NAV1: variants seen among roughly 807,000 people sequenced by gnomAD.
NAV1 encodes pore membrane and/or filament interacting like protein 3.
Under a neutral mutation model 175.2 loss-of-function variants are expected in NAV1, and 18 were observed. The observed-to-expected ratio is 0.10, with a 90% CI of 0.07 to 0.15. The LOEUF is 0.15. Among genes scored for constraint, NAV1 ranks in the 10% least tolerant of loss-of-function variants. The pLI, the probability that NAV1 is intolerant of heterozygous loss-of-function variation, is 1.00. For missense variants in NAV1, 1,731 were observed against 2,436.6 expected (o/e 0.71, Z 6.10); for synonymous variants, 897 against 978.7 (o/e 0.92, Z 1.56).
chr1:201,706,279 G>GTT (rs1316248333), intron 1 of NAV1, among the ~76,000 whole-genome samples: 1 of 151,664 alleles, frequency 6.6e-6, no homozygotes, highest in Admixed American at 6.6e-5. Flanking sequence ...GTGTGTGTGT[G>GTT]TCTGTGTGTT....
At position 201,566,619 on chromosome 1, in the gene NAV1, G is replaced by A. The variant is rs562912201; in HGVS notation, c.-143-21920G>A. On this transcript the variant is annotated intron_variant, in intron 1 of 33. Transcript: ENST00000685211. The stretch of plus-strand genomic sequence containing the variant: ...AGAACTCTTCTTCCCTTGGGATGAC[G>A]CTGTTGGATCACAGAGGGCACAGGT... Among the ~76,000 whole-genome samples the A allele has an allele frequency of 2.6e-5, 4 of 152,236 alleles. No individual in the cohort carries two copies. The South Asian group carries it at 8.3e-4, about 32-fold the overall frequency.
intron 2 of NAV1, among the ~76,000 whole-genome samples, chr1:201,717,915 A>T (rs1278183076): frequency 2.0e-5 from 3 of 152,164 alleles, no homozygotes. Flanking sequence ...AGCTCAAGTG[A>T]CCAGTCTCTC....
At chr1:201,580,385 GCCAGC>G (rs1361225094) in intron 1 of NAV1, among the ~76,000 whole-genome samples, 2 of 152,146 alleles carry the variant, frequency 1.3e-5, no homozygotes. Context: ...CCTGTTCTGT[GCCAGC>G]CCATAAAGAC....
At chr1:201,754,707 C>T (rs189235102) in intron 3 of NAV1, among the ~76,000 whole-genome samples, 20 of 152,282 alleles carry the variant, frequency 1.3e-4, no homozygotes, top group Admixed American at 1.2e-3. Flanking sequence ...CTATCTCCTG[C>T]TCTATCTGCT....
chr1:201,625,132 C>T (rs1196274809), intron 1 of NAV1, among the ~76,000 whole-genome samples: 1 of 152,138 alleles, frequency 6.6e-6, no homozygotes, highest in African/African-American at 2.4e-5. Context: ...TACAAAAACA[C>T]ATGTAGAGCA....
chr1:201,731,127 G>T (rs548436673), intron 3 of NAV1, among the ~76,000 whole-genome samples: 11 of 152,206 alleles, frequency 7.2e-5, no homozygotes, highest in Admixed American at 6.5e-4. Context: ...GAATATGCAG[G>T]GCAGGATCAC....
At chr1:201,683,584 A>G (rs1394929856) in intron 1 of NAV1, among the ~76,000 whole-genome samples, 2 of 151,740 alleles carry the variant, frequency 1.3e-5, no homozygotes, top group African/African-American at 4.8e-5. Context: ...TTGCCTGCAC[A>G]CTCATCTCCT....
chr1:201,749,108 A>G (rs1298297158), intron 3 of NAV1, among the ~76,000 whole-genome samples: 1 of 152,190 alleles, frequency 6.6e-6, no homozygotes, highest in Non-Finnish European at 1.5e-5. Context: ...AAATCATGCC[A>G]CTGCACTCCA....
intron 2 of NAV1, among the ~76,000 whole-genome samples, chr1:201,716,013 C>T (rs552687369): frequency 1.2e-4 from 18 of 150,578 alleles, no homozygotes; most frequent in African/African-American, 4.2e-4. Flanking sequence ...TTTGGGGGAA[C>T]TGAAAAAAAA....
chr1:201,613,550 A>G (rs946746392), intron 2 of NAV1, among the ~76,000 whole-genome samples: 21 of 152,216 alleles, frequency 1.4e-4, no homozygotes, highest in African/African-American at 4.8e-4. Context: ...ACTGTCTTCC[A>G]TGATTTTCCT....
At chr1:201,543,528 A>C (rs1571812155) in intron 1 of NAV1, among the ~76,000 whole-genome samples, 1 of 146,632 alleles carries the variant, frequency 6.8e-6, no homozygotes, top group African/African-American at 2.5e-5. Flanking sequence ...GCAAAGTTTC[A>C]TTTTTTTTTC....
intron 1 of NAV1, among the ~76,000 whole-genome samples, chr1:201,688,922 GT>G (rs1211256079): frequency 7.9e-5 from 12 of 152,210 alleles, no homozygotes; most frequent in Admixed American, 2.0e-4. Context: ...TACTAGACGT[GT>G]TGCCTGCTCC....
chr1:201,687,583 A>G (rs1670734051), intron 1 of NAV1, among the ~76,000 whole-genome samples: 1 of 152,238 alleles, frequency 6.6e-6, no homozygotes, highest in Non-Finnish European at 1.5e-5. Context: ...ATACATAATT[A>G]TCTCTGTTCT....
At chr1:201,655,239 A>G (rs1336911016) in intron 1 of NAV1, among the ~76,000 whole-genome samples, 1 of 152,094 alleles carries the variant, frequency 6.6e-6, no homozygotes, top group Non-Finnish European at 1.5e-5. Flanking sequence ...TCCTGGCCCA[A>G]CCAGGAAGCT....
rs142522800 is a variant in NAV1, at chr1:201,551,332, G to A, written c.-144+11990G>A. On this transcript the variant is annotated intron_variant, in intron 1 of 33. Transcript: ENST00000685211. ...CAGCCTCAACCTCTCAGGCTCAAGC[G>A]ATCTTCCCATCTCAGCCTCCTGAGT... is the stretch of plus-strand genomic sequence containing the variant. Among the ~76,000 whole-genome samples the A allele has an allele frequency of 2.2e-3, 338 of 152,206 alleles. 2 individuals are homozygous for A. Among genetic ancestry groups the A allele is most frequent in the African/African-American group, 8.0e-3 (331 of 41,546 alleles).
chr1:201,583,602 A>C (rs1666933832), intron 1 of NAV1, among the ~76,000 whole-genome samples: 2 of 152,190 alleles, frequency 1.3e-5, no homozygotes, highest in Admixed American at 1.3e-4. Context: ...GTTCTGTTAC[A>C]AGCTTGCTGG....
exon 30 of NAV1, chr1:201,823,946 T>C (rs1023547685): frequency 3.9e-5 from 6 of 152,130 alleles, no homozygotes; most frequent in African/African-American, 1.4e-4. Context: ...ACATCCTCAC[T>C]TGGGATGGCA....
intron 3 of NAV1, among the ~76,000 whole-genome samples, chr1:201,737,793 G>T (rs963279564): frequency 9.9e-5 from 15 of 152,192 alleles, no homozygotes; most frequent in African/African-American, 3.1e-4. Flanking sequence ...GCTAGATCTG[G>T]AGAAAAACAT....
At chr1:201,726,833 G>A (rs1053758511) in intron 3 of NAV1, among the ~76,000 whole-genome samples, 6 of 152,090 alleles carry the variant, frequency 3.9e-5, no homozygotes, top group Admixed American at 1.3e-4. Flanking sequence ...TTCACAACAC[G>A]GTCTTGATAT....
Sources: allele counts gnomAD v4.1 joint callset (sites outside exome capture counted in the v4.1 genomes callset), GRCh38; gene constraint gnomAD v4.1.1; transcripts MANE v1.5; gene names NCBI Gene and HGNC (gene_info 2026-07-23, HGNC 2026-07-21).